GNAQ: variants seen among roughly 807,000 people sequenced by gnomAD.
The protein encoded by GNAQ is guanine nucleotide-binding protein G(q) subunit alpha.
A neutral mutation model predicts 43.9 loss-of-function variants in GNAQ; 8 were observed. The observed-to-expected ratio is 0.18, with a 90% CI of 0.11 to 0.33. GNAQ has a LOEUF of 0.33. GNAQ is among the 10% of genes least tolerant of loss of function. GNAQ has a pLI of 1.00. For missense variants in GNAQ, 158 were observed against 450.8 expected (o/e 0.35, Z 5.88); for synonymous variants, 155 against 170.7 (o/e 0.91, Z 0.71).
At chr9:77,943,182 T>G (rs1392256639) in intron 1 of GNAQ, among the ~76,000 whole-genome samples, 1 of 152,222 alleles carries the variant, frequency 6.6e-6, no homozygotes, top group African/African-American at 2.4e-5. Context: ...CAACATAGAT[T>G]TGAAGATTAT....
chr9:77,717,263 G>GC lies in GNAQ; in HGVS notation c.*4059_*4060insG. 4.3e-6 allele frequency: 1 copy of GC among 232,372 alleles called. No homozygotes were observed. The highest frequency in any genetic ancestry group is 8.5e-6 in the Non-Finnish European group (1 of 117,584). The allele number at this position is 232,372 out of a possible 1,614,324, so 14.4% of individuals were successfully genotyped here. The stretch of plus-strand genomic sequence containing the variant: ...CAAGCACACCTTATTTGTATCAATT[G>GC]AGATGTTGATTACCAATTAAGTGGT... On this transcript the variant is annotated 3_prime_UTR_variant, in exon 7 of 7. Transcript: ENST00000286548.
At chr9:77,743,277 A>T (rs1443720380) in intron 5 of GNAQ, among the ~76,000 whole-genome samples, 1 of 151,554 alleles carries the variant, frequency 6.6e-6, no homozygotes, top group Non-Finnish European at 1.5e-5. Flanking sequence ...CAAAAAACAA[A>T]CAAACAAACA....
chr9:77,968,192 T>C (rs1218630926), intron 1 of GNAQ, among the ~76,000 whole-genome samples: 1 of 152,186 alleles, frequency 6.6e-6, no homozygotes, highest in Non-Finnish European at 1.5e-5. Flanking sequence ...TTTTATATTA[T>C]GTAAATTATA....
intron 2 of GNAQ, among the ~76,000 whole-genome samples, chr9:77,846,881 G>T (rs1439688458): frequency 6.6e-6 from 1 of 152,126 alleles, no homozygotes; most frequent in Non-Finnish European, 1.5e-5. Flanking sequence ...TCACATTACA[G>T]ATGAGGAAGC....
intron 2 of GNAQ, among the ~76,000 whole-genome samples, chr9:77,823,361 T>C (rs1453996843): frequency 2.0e-5 from 3 of 152,154 alleles, no homozygotes; most frequent in Non-Finnish European, 4.4e-5. Flanking sequence ...ATATTATAGA[T>C]AAGAAGTGTA....
intron 2 of GNAQ, 142 bp from the exon 3 acceptor site, chr9:77,815,912 C>T: frequency 1.8e-6 from 1 of 552,914 alleles, no homozygotes; most frequent in Non-Finnish European, 3.1e-6. Flanking sequence ...AGTCATGTTT[C>T]ATATTTTTTG....
chr9:77,732,545 T>G (rs1194834594), intron 5 of GNAQ, among the ~76,000 whole-genome samples: 1 of 152,180 alleles, frequency 6.6e-6, no homozygotes, highest in African/African-American at 2.4e-5. Flanking sequence ...TTTGTATTTT[T>G]AGTAGAGACA....
At chr9:77,830,617 G>A (rs1158398775) in intron 2 of GNAQ, among the ~76,000 whole-genome samples, 3 of 151,986 alleles carry the variant, frequency 2.0e-5, no homozygotes, top group Non-Finnish European at 4.4e-5. Context: ...CTTTTTTGTT[G>A]TTGTCATCAC....
At chr9:77,865,272 A>G (rs1473784241) in intron 2 of GNAQ, among the ~76,000 whole-genome samples, 1 of 152,204 alleles carries the variant, frequency 6.6e-6, no homozygotes, top group Non-Finnish European at 1.5e-5. Context: ...TTTTTTCAGA[A>G]TATCATTTCA....
Position 77,904,317 on chromosome 9 carries a change from C to CTTTTTT in GNAQ, c.321+17838_321+17843dup, listed in dbSNP as rs554783626. ...TGGAGTTAACAGAAGTTCACACCGG[C>CTTTTTT]TTTTTTTTTTTTTTTTTTTTTTTTT... On this transcript the variant is annotated intron_variant, in intron 2 of 6. Coordinates refer to ENST00000286548, the MANE Select transcript of GNAQ (RefSeq NM_002072.5). Among the ~76,000 whole-genome samples the CTTTTTT allele has an allele frequency of 9.6e-3, 742 of 77,420 alleles. 109 individuals are homozygous for CTTTTTT. Among genetic ancestry groups the CTTTTTT allele is most frequent in the East Asian group, 0.027 (47 of 1,734 alleles). The allele number at this position is 77,420 out of a possible 152,430, so 50.8% of individuals were successfully genotyped here. A position where few individuals can be genotyped will look rare whatever the true frequency, so the allele number is the denominator to read the frequency against.
At chr9:77,946,022 G>A (rs780398398) in intron 1 of GNAQ, among the ~76,000 whole-genome samples, 16 of 152,304 alleles carry the variant, frequency 1.1e-4, no homozygotes, top group South Asian at 6.2e-4. Flanking sequence ...TTAAGTGGAG[G>A]ACGAGAGCTT....
In GNAQ at chr9:77,932,484, C is replaced by G. The variant is rs557911650; in HGVS notation, c.137-10139G>C. Among the ~76,000 whole-genome samples the G allele has an allele frequency of 2.6e-5, 4 of 152,072 alleles. No individual in the cohort carries two copies. The East Asian group carries it at 5.8e-4, about 22-fold the overall frequency. ...TGACCTGACTGCTGCTTTGAGATAC[C>G]CTCTTAAGAAGGTACATTAAAACTA... On this transcript the variant is annotated intron_variant, in intron 1 of 6. Coordinates refer to ENST00000286548, the MANE Select transcript of GNAQ (RefSeq NM_002072.5).
chr9:77,992,131 A>T (rs1194526140), intron 1 of GNAQ, among the ~76,000 whole-genome samples: 2 of 152,184 alleles, frequency 1.3e-5, no homozygotes, highest in Non-Finnish European at 2.9e-5. Context: ...TTAGTTCTCT[A>T]AGAAATCTCC....
chr9:77,865,603 A>G (rs1827935335), intron 2 of GNAQ, among the ~76,000 whole-genome samples: 2 of 152,344 alleles, frequency 1.3e-5, no homozygotes, highest in African/African-American at 4.8e-5. Flanking sequence ...GTCAGTAAGC[A>G]GTAGCAAGGA....
intron 1 of GNAQ, among the ~76,000 whole-genome samples, chr9:77,937,614 C>T (rs77955028): frequency 7.2e-5 from 11 of 151,982 alleles, no homozygotes; most frequent in South Asian, 4.2e-4. Flanking sequence ...AAAGCTTGGC[C>T]GGGCACAGTG....
intron 1 of GNAQ, among the ~76,000 whole-genome samples, chr9:77,970,695 T>C (rs1823226964): frequency 6.6e-6 from 1 of 151,956 alleles, no homozygotes; most frequent in African/African-American, 2.4e-5. Context: ...AGGAAAGATC[T>C]AAAATCAACA....
At chr9:77,950,110 A>G (rs1822957038) in intron 1 of GNAQ, among the ~76,000 whole-genome samples, 1 of 152,182 alleles carries the variant, frequency 6.6e-6, no homozygotes, top group Non-Finnish European at 1.5e-5. Context: ...ACTACATACT[A>G]TAATGTTCTT....
rs144226738 is a variant in GNAQ, at chr9:77,918,306, G to A, written c.321+3855C>T. 1.4e-4 allele frequency among the ~76,000 whole-genome samples: 22 copies of A among 152,272 alleles called. 1 individual carries two copies. The highest frequency in any genetic ancestry group is 5.3e-4 in the African/African-American group (22 of 41,568). On this transcript the variant is annotated intron_variant, in intron 2 of 6. Coordinates refer to ENST00000286548, the MANE Select transcript of GNAQ (RefSeq NM_002072.5). Reference sequence around the variant, plus strand: ...TATAGATTATGGCCAATGTGATGGTGGGTGCAGAGAAGCTTTACTAAAAAC... The same window carrying A: ...TATAGATTATGGCCAATGTGATGGTAGGTGCAGAGAAGCTTTACTAAAAAC...
intron 5 of GNAQ, among the ~76,000 whole-genome samples, chr9:77,759,920 C>CCTTTTT (rs1237774104): frequency 6.9e-6 from 1 of 144,800 alleles, no homozygotes; most frequent in Admixed American, 6.9e-5. Context: ...TTTTTCTTTT[C>CCTTTTT]CTTTTTCTTT....
Sources: gnomAD v4.1 joint callset for allele counts (sites outside exome capture counted in the v4.1 genomes callset) on GRCh38, gnomAD v4.1.1 for gene constraint, MANE v1.5 for transcripts, NCBI Gene and HGNC (gene_info 2026-07-23, HGNC 2026-07-21) for gene names.